The following PCDH15 variants were observed in gnomAD, a reference collection of about 807,000 sequenced individuals.
PCDH15 encodes the protein protocadherin related 15, also known as protocadherin-15.
A neutral mutation model predicts 178.5 loss-of-function variants in PCDH15; 129 were observed. The ratio of observed to expected loss-of-function variants is 0.72; its 90% CI spans 0.63 to 0.84. The LOEUF (loss-of-function observed/expected upper bound fraction) is 0.84, where lower values mean the gene tolerates loss of function less well. Among genes scored for constraint, PCDH15 ranks in the 40% least tolerant of loss-of-function variants. The pLI, the probability that PCDH15 is intolerant of heterozygous loss-of-function variation, is 0.00. For synonymous variants in PCDH15, 800 were observed against 732.0 expected (o/e 1.09, Z -1.50); for missense variants, 2,230 against 2,099.9 (o/e 1.06, Z -1.21).
intron 1 of PCDH15, among the ~76,000 whole-genome samples, chr10:55,179,360 A>G (rs1839579933): frequency 6.6e-6 from 1 of 152,096 alleles, no homozygotes. Context: ...TCCCTAGGAC[A>G]GGTCTCAACC....
chr10:54,097,861 G>A (rs2094728188), intron 15 of PCDH15, among the ~76,000 whole-genome samples: 1 of 152,082 alleles, frequency 6.6e-6, no homozygotes, highest in Admixed American at 6.6e-5. Flanking sequence ...CAGGAGGGGA[G>A]GGCATGGGAC....
At chr10:53,897,989 CAG>C (rs2082074361) in intron 26 of PCDH15, among the ~76,000 whole-genome samples, 2 of 88,710 alleles carry the variant, frequency 2.3e-5, no homozygotes, top group East Asian at 4.0e-4. Context: ...TTTTTTGAGA[CAG>C]AGTCTCGCTC....
At chr10:55,619,414 T>G (rs1344359841) in intron 2 of PCDH15, among the ~76,000 whole-genome samples, 1 of 151,958 alleles carries the variant, frequency 6.6e-6, no homozygotes, top group Non-Finnish European at 1.5e-5. Flanking sequence ...ACAGGTGGTA[T>G]TCATTTAAAA....
intron 2 of PCDH15, among the ~76,000 whole-genome samples, chr10:55,450,484 T>C (rs751285209): frequency 6.6e-6 from 1 of 152,146 alleles, no homozygotes; most frequent in Non-Finnish European, 1.5e-5. Flanking sequence ...CTAATACCAG[T>C]GTAGTTGAGC....
At chr10:54,655,298 G>GAGAGAGAGAGAGAGAGAGAGAC (rs1565866433) in intron 2 of PCDH15, among the ~76,000 whole-genome samples, 3 of 112,530 alleles carry the variant, frequency 2.7e-5, no homozygotes, top group East Asian at 2.7e-4. Context: ...GAGAGAGAGA[G>GAGAGAGAGAGAGAGAGAGAGAC]AGAGACAGAG....
At chr10:55,138,225 A>G (rs917072053) in intron 2 of PCDH15, among the ~76,000 whole-genome samples, 1 of 152,160 alleles carries the variant, frequency 6.6e-6, no homozygotes, top group African/African-American at 2.4e-5. Context: ...CCAATGCAAT[A>G]TTTAGTAAAT....
At chr10:55,124,876 A>G (rs530965337) in intron 2 of PCDH15, among the ~76,000 whole-genome samples, 5 of 152,226 alleles carry the variant, frequency 3.3e-5, no homozygotes, top group Admixed American at 3.3e-4. Context: ...GTGTCATCAA[A>G]GATCATATGA....
chr10:55,136,743 T>C (rs1032028946), intron 2 of PCDH15, among the ~76,000 whole-genome samples: 2 of 152,086 alleles, frequency 1.3e-5, no homozygotes, highest in African/African-American at 2.4e-5. Context: ...AGACCAAACA[T>C]TGAAAGAAAT....
Position 53,827,447 on chromosome 10 carries a change from G to A in PCDH15, c.4313C>T (p.Pro1438Leu), listed in dbSNP as rs1444726341. Residue 1438 changes from proline to leucine, a missense_variant, in exon 32 of 38, where the codon CCG becomes CTG. Pro to Leu is a moderately conservative substitution (Grantham distance 98). Transcript: ENST00000644397. ...ATGCGCACCTGGCGGAGGCGGCGGC[G>A]GCGGCGGGGGCGCTGCCACTGGTGC... is the stretch of plus-strand genomic sequence containing the variant. ...APAPVAAPPP[P>L]PPPPPGAHLY... is the part of the protein sequence containing the mutation. 2 of 1,613,216 alleles carry A rather than the reference G, an allele frequency of 1.2e-6. No homozygotes were observed. The highest frequency in any genetic ancestry group is 2.7e-5 in the African/African-American group (2 of 75,030).
At chr10:55,605,124 G>C (rs920408865) in intron 2 of PCDH15, among the ~76,000 whole-genome samples, 4 of 150,916 alleles carry the variant, frequency 2.7e-5, no homozygotes, top group Non-Finnish European at 4.4e-5. Flanking sequence ...ACACCTCTAC[G>C]CAAATAAACT....
intron 3 of PCDH15, among the ~76,000 whole-genome samples, chr10:54,870,478 A>G (rs1342951220): frequency 1.3e-5 from 2 of 152,120 alleles, no homozygotes; most frequent in African/African-American, 4.8e-5. Flanking sequence ...GTTTGCAAGT[A>G]CTTGGATCAA....
intron 3 of PCDH15, among the ~76,000 whole-genome samples, chr10:54,447,440 G>C (rs990775652): frequency 2.6e-5 from 4 of 151,504 alleles, no homozygotes; most frequent in African/African-American, 4.8e-5. Flanking sequence ...CTGTTTCTAT[G>C]AGTTTTACTT....
chr10:54,358,640 AC>A (rs2134420858), intron 5 of PCDH15, among the ~76,000 whole-genome samples: 1 of 152,114 alleles, frequency 6.6e-6, no homozygotes, highest in South Asian at 2.1e-4. Context: ...ATACCATTTG[AC>A]CCAGCCATCC....
intron 9 of PCDH15, among the ~76,000 whole-genome samples, chr10:54,218,900 A>G (rs1004640431): frequency 6.6e-6 from 1 of 152,114 alleles, no homozygotes; most frequent in African/African-American, 2.4e-5. Flanking sequence ...TTGACTTCTC[A>G]ATAAATGAAT....
At chr10:55,273,362 T>A (rs1297172203) in intron 1 of PCDH15, among the ~76,000 whole-genome samples, 1 of 152,088 alleles carries the variant, frequency 6.6e-6, no homozygotes, top group East Asian at 1.9e-4. Context: ...TTACCTAGAC[T>A]TTGGTCAGGC....
At chr10:54,543,105 G>C (rs11004368) in intron 2 of PCDH15, among the ~76,000 whole-genome samples, 10,530 of 152,118 alleles carry the variant, frequency 0.069, 631 homozygotes, top group East Asian at 0.3. Context: ...GAGAGCCGTG[G>C]CCCCCCAAAA....
intron 1 of PCDH15, among the ~76,000 whole-genome samples, chr10:54,680,835 A>T (rs1482345581): frequency 6.6e-6 from 1 of 152,164 alleles, no homozygotes; most frequent in Non-Finnish European, 1.5e-5. Context: ...TTTCCTTTAT[A>T]CATTATCCAG....
At chr10:54,018,745 G>A (rs1022416152) in intron 20 of PCDH15, among the ~76,000 whole-genome samples, 4 of 151,956 alleles carry the variant, frequency 2.6e-5, no homozygotes, top group African/African-American at 9.7e-5. Context: ...GTATGATCCT[G>A]CAACTAAACA....
chr10:54,054,755 T>G (rs2093849089), intron 18 of PCDH15, among the ~76,000 whole-genome samples: 1 of 152,146 alleles, frequency 6.6e-6, no homozygotes, highest in South Asian at 2.1e-4. Flanking sequence ...TAGGTAGATT[T>G]CTATTGTAAA....
Sources: gnomAD v4.1 joint callset for allele counts (sites outside exome capture counted in the v4.1 genomes callset) on GRCh38, gnomAD v4.1.1 for gene constraint, MANE v1.5 for transcripts, NCBI Gene and HGNC (gene_info 2026-07-23, HGNC 2026-07-21) for gene names.